PTPRR: variants seen among roughly 807,000 people sequenced by gnomAD.
PTPRR encodes the protein protein tyrosine phosphatase receptor type R, also known as receptor-type tyrosine-protein phosphatase R.
PTPRR carries 38 observed loss-of-function variants against 77.2 expected under a neutral mutation model. The observed-to-expected ratio is 0.49, with a 90% CI of 0.38 to 0.65. The LOEUF (loss-of-function observed/expected upper bound fraction) is 0.65. Among genes scored for constraint, PTPRR ranks in the 30% least tolerant of loss-of-function variants. PTPRR has a pLI of 0.00. For missense variants in PTPRR, 744 were observed against 799.2 expected (o/e 0.93, Z 0.83); for synonymous variants, 299 against 283.1 (o/e 1.06, Z -0.57).
intron 2 of PTPRR, among the ~76,000 whole-genome samples, chr12:70,849,334 A>G (rs1445719470): frequency 6.6e-6 from 1 of 152,202 alleles, no homozygotes; most frequent in Non-Finnish European, 1.5e-5. Flanking sequence ...AGAGTTCTTA[A>G]GAATAGGCCA....
intron 13 of PTPRR, among the ~76,000 whole-genome samples, chr12:70,642,129 T>C (rs1295363970): frequency 6.6e-6 from 1 of 152,134 alleles, no homozygotes; most frequent in Non-Finnish European, 1.5e-5. Context: ...GATCTGTGTT[T>C]GCAGGTGCAT....
At chr12:70,667,787 C>G (rs1018580118) in intron 10 of PTPRR, among the ~76,000 whole-genome samples, 2 of 151,968 alleles carry the variant, frequency 1.3e-5, no homozygotes, top group Non-Finnish European at 2.9e-5. Flanking sequence ...AAGGGACTCT[C>G]TTCTGCTTGC....
chr12:70,653,990 T>G (rs1297387982), intron 13 of PTPRR, among the ~76,000 whole-genome samples: 1 of 152,190 alleles, frequency 6.6e-6, no homozygotes, highest in Non-Finnish European at 1.5e-5. Flanking sequence ...TAGAGGCTAC[T>G]GTCTAAAAAG....
At chr12:70,811,440 G>GA (rs755727752) in intron 2 of PTPRR, among the ~76,000 whole-genome samples, 21 of 152,146 alleles carry the variant, frequency 1.4e-4, no homozygotes, top group Non-Finnish European at 2.8e-4. Context: ...GGTTTTCTGA[G>GA]AAAAAACTGC....
chr12:70,781,994 T>G (rs1208594886), intron 2 of PTPRR, among the ~76,000 whole-genome samples: 1 of 152,184 alleles, frequency 6.6e-6, no homozygotes, highest in Non-Finnish European at 1.5e-5. Flanking sequence ...CTTGCTCAGT[T>G]GTTGTTATGA....
At chr12:70,758,154 A>T (rs932750614) in intron 4 of PTPRR, among the ~76,000 whole-genome samples, 3 of 152,206 alleles carry the variant, frequency 2.0e-5, no homozygotes, top group African/African-American at 7.2e-5. Flanking sequence ...TGATTCAAAT[A>T]CTTCCTCATC....
chr12:70,767,046 G>T (rs1284665420), intron 2 of PTPRR, among the ~76,000 whole-genome samples: 1 of 152,078 alleles, frequency 6.6e-6, no homozygotes, highest in African/African-American at 2.4e-5. Flanking sequence ...ACCGGTACCA[G>T]CCACTGCAAA....
At chr12:70,769,021 G>C (rs1396718939) in intron 2 of PTPRR, among the ~76,000 whole-genome samples, 1 of 143,870 alleles carries the variant, frequency 7.0e-6, no homozygotes, top group African/African-American at 2.8e-5. Context: ...AAAATAATAA[G>C]AGGTATCTAT....
intron 1 of PTPRR, among the ~76,000 whole-genome samples, chr12:70,916,968 T>C (rs1461834579): frequency 1.3e-5 from 2 of 152,194 alleles, no homozygotes; most frequent in Admixed American, 1.3e-4. Flanking sequence ...TAGCAAAACA[T>C]TCCCTAGGAA....
chr12:70,704,957 C>G (rs969627590), intron 6 of PTPRR, among the ~76,000 whole-genome samples: 1 of 151,982 alleles, frequency 6.6e-6, no homozygotes, highest in Admixed American at 6.6e-5. Context: ...TAATAAAAAG[C>G]TTTATCAAGC....
At chr12:70,916,113 C>T (rs367976095) in intron 1 of PTPRR, among the ~76,000 whole-genome samples, 13 of 151,724 alleles carry the variant, frequency 8.6e-5, no homozygotes, top group African/African-American at 2.9e-4. Flanking sequence ...AAAAGTTAGG[C>T]AGGGAAAGGG....
intron 5 of PTPRR, among the ~76,000 whole-genome samples, chr12:70,747,499 A>G (rs1392630606): frequency 2.0e-5 from 3 of 152,226 alleles, no homozygotes; most frequent in Non-Finnish European, 4.4e-5. Context: ...TTGGAGAAAT[A>G]TGAATCAACA....
chr12:70,792,935 A>G lies in PTPRR; in HGVS notation c.358-28157T>C, dbSNP rs572554879. 8.5e-5 allele frequency among the ~76,000 whole-genome samples: 13 copies of G among 152,240 alleles called. No individual in the cohort carries two copies. In the East Asian group the frequency reaches 2.3e-3, roughly 27 times the overall value. On this transcript the variant is annotated intron_variant, in intron 2 of 13. Coordinates refer to ENST00000283228, the MANE Select transcript of PTPRR (RefSeq NM_002849.4). ...TCTTTCCATTTAAGGAAAGACAAAA[A>G]CCAAATTTATGGTGAAGTTTGGATA...
At chr12:70,788,909 G>A (rs1277189168) in intron 2 of PTPRR, 8 of 1,472,010 alleles carry the variant, frequency 5.4e-6, no homozygotes, top group African/African-American at 2.9e-5. Context: ...AGGACTAATC[G>A]TAAAGCTTTC....
At chr12:70,750,323 T>C (rs913980924) in intron 5 of PTPRR, among the ~76,000 whole-genome samples, 1 of 152,142 alleles carries the variant, frequency 6.6e-6, no homozygotes, top group African/African-American at 2.4e-5. Context: ...GGAATGCCAA[T>C]GCAAATGGAG....
At chr12:70,900,097 T>G in intron 1 of PTPRR, among the ~76,000 whole-genome samples, 1 of 151,504 alleles carries the variant, frequency 6.6e-6, no homozygotes, top group East Asian at 1.9e-4. Context: ...AAGATGTCAA[T>G]CATCTCCAAT....
At chr12:70,880,309 A>G (rs908169506) in intron 2 of PTPRR, among the ~76,000 whole-genome samples, 2 of 152,170 alleles carry the variant, frequency 1.3e-5, no homozygotes, top group African/African-American at 4.8e-5. Context: ...TAGTCATTGA[A>G]GGAAACACAA....
At chr12:70,743,458 G>A (rs957699986) in intron 6 of PTPRR, among the ~76,000 whole-genome samples, 6 of 152,194 alleles carry the variant, frequency 3.9e-5, no homozygotes, top group Non-Finnish European at 8.8e-5. Context: ...TGGATTAAGG[G>A]AGTTTCTTTA....
At chr12:70,696,342 G>T (rs1888233180) in intron 8 of PTPRR, among the ~76,000 whole-genome samples, 1 of 152,096 alleles carries the variant, frequency 6.6e-6, no homozygotes, top group African/African-American at 2.4e-5. Flanking sequence ...TTTATAGACT[G>T]TTTCTTATTT....
Sources: gnomAD v4.1 joint callset for allele counts (sites outside exome capture counted in the v4.1 genomes callset) on GRCh38, gnomAD v4.1.1 for gene constraint, MANE v1.5 for transcripts, NCBI Gene and HGNC (gene_info 2026-07-23, HGNC 2026-07-21) for gene names.